ABI3BP: variants seen among roughly 807,000 people sequenced by gnomAD.
The protein encoded by ABI3BP is ABI family member 3 binding protein.
In ABI3BP, 216 loss-of-function variants were observed where a neutral mutation model predicts 268.6. The ratio of observed to expected loss-of-function variants is 0.80; its 90% confidence interval spans 0.72 to 0.90. ABI3BP has a LOEUF of 0.90. ABI3BP is among the 40% of genes least tolerant of loss of function. ABI3BP has a pLI of 0.00. For synonymous variants in ABI3BP, 730 were observed against 730.0 expected (o/e 1.00, Z 0.00); for missense variants, 2,090 against 2,182.4 (o/e 0.96, Z 0.84).
At position 100,778,391 on chromosome 3, in the gene ABI3BP, A is replaced by G. The variant is rs370678808; in HGVS notation, c.4241-15T>C. On this transcript the variant is annotated splice_polypyrimidine_tract_variant and intron_variant, in intron 58 of 67. Coordinates refer to ENST00000471714, the MANE Select transcript of ABI3BP (RefSeq NM_001375547.2). The stretch of plus-strand genomic sequence containing the variant: ...GCGGCGAGTCCCTGGGATTGTGGAT[A>G]AGAGATTGTATTTTAGATAAAGCCA... The G allele has an allele frequency of 1.2e-6, 2 of 1,605,774 alleles. No homozygotes were observed. Among genetic ancestry groups the G allele is most frequent in the African/African-American group, 1.3e-5 (1 of 74,600 alleles).
chr3:100,848,717 G>C, intron 18 of ABI3BP, 84 bp downstream of exon 18: 2 of 1,362,132 alleles, frequency 1.5e-6, no homozygotes, highest in South Asian at 2.4e-5. Context: ...GTGAGCCACT[G>C]CACCTGGCTA....
intron 18 of ABI3BP, 44 bp downstream of exon 18, chr3:100,848,757 T>C: frequency 6.4e-7 from 1 of 1,569,530 alleles, no homozygotes; most frequent in Non-Finnish European, 8.8e-7. Context: ...ATGGACATTG[T>C]CTATCTGGAA....
intron 13 of ABI3BP, 69 bp from the exon 14 acceptor site, chr3:100,862,454 A>T (rs2099008896): frequency 9.2e-7 from 1 of 1,086,936 alleles, no homozygotes; most frequent in East Asian, 2.6e-5. Flanking sequence ...AGACAGAAAT[A>T]GGTTGCTGGT....
At chr3:100,802,225 G>C (rs551529258) in intron 51 of ABI3BP, among the ~76,000 whole-genome samples, 1 of 152,290 alleles carries the variant, frequency 6.6e-6, no homozygotes, top group East Asian at 1.9e-4. Flanking sequence ...CCAAAGGGAA[G>C]AGACACGTAG....
chr3:100,896,423 A>C (rs2047708325), intron 4 of ABI3BP, among the ~76,000 whole-genome samples: 2 of 152,208 alleles, frequency 1.3e-5, no homozygotes, highest in Admixed American at 1.3e-4. Context: ...CAGAAGTGTC[A>C]GTAGGACAAA....
intron 1 of ABI3BP, among the ~76,000 whole-genome samples, chr3:100,927,727 T>A (rs761706642): frequency 1.3e-5 from 2 of 152,110 alleles, no homozygotes; most frequent in Non-Finnish European, 2.9e-5. Flanking sequence ...ACCCTTGTGA[T>A]CCAATCACCT....
At chr3:100,855,359 T>A (rs1158332556) in intron 14 of ABI3BP, among the ~76,000 whole-genome samples, 2 of 152,248 alleles carry the variant, frequency 1.3e-5, no homozygotes, top group Non-Finnish European at 2.9e-5. Flanking sequence ...TTGCATATGA[T>A]CAAGACTTTA....
intron 61 of ABI3BP, among the ~76,000 whole-genome samples, chr3:100,771,927 C>CA (rs2149965383): frequency 6.6e-6 from 1 of 152,110 alleles, no homozygotes; most frequent in African/African-American, 2.4e-5. Context: ...CTAGAAACAA[C>CA]AAAAATGTAG....
At chr3:100,829,960 G>A (rs1404443233) in intron 32 of ABI3BP, among the ~76,000 whole-genome samples, 1 of 150,852 alleles carries the variant, frequency 6.6e-6, no homozygotes, top group East Asian at 2.0e-4. Flanking sequence ...TAAGTATAGG[G>A]TGATTTTATA....
intron 51 of ABI3BP, among the ~76,000 whole-genome samples, chr3:100,800,086 T>G (rs529721846): frequency 6.6e-6 from 1 of 150,866 alleles, no homozygotes; most frequent in African/African-American, 2.4e-5. Flanking sequence ...TAGGTCTTTG[T>G]AGTTCCATAT....
intron 1 of ABI3BP, among the ~76,000 whole-genome samples, chr3:100,943,865 A>T (rs924299457): frequency 5.3e-5 from 8 of 152,042 alleles, no homozygotes; most frequent in Non-Finnish European, 7.4e-5. Flanking sequence ...TGATGATAAA[A>T]TTTTTTCCAA....
At chr3:100,970,832 G>A (rs2083291756) in intron 1 of ABI3BP, among the ~76,000 whole-genome samples, 1 of 152,156 alleles carries the variant, frequency 6.6e-6, no homozygotes, top group African/African-American at 2.4e-5. Context: ...GCATGGGAGG[G>A]CCATGAACTG....
intron 64 of ABI3BP, among the ~76,000 whole-genome samples, 182 bp downstream of exon 64, chr3:100,754,430 G>A (rs573934763): frequency 9.2e-5 from 14 of 152,306 alleles, no homozygotes; most frequent in African/African-American, 3.4e-4. Flanking sequence ...GTGTCTTTAA[G>A]TGAGGAAAAA....
intron 4 of ABI3BP, among the ~76,000 whole-genome samples, chr3:100,897,674 T>TA (rs2048357622): frequency 6.6e-6 from 1 of 152,214 alleles, no homozygotes; most frequent in South Asian, 2.1e-4. Context: ...TCTAGAGTGA[T>TA]AAAATTTTTC....
chr3:100,823,588 T>G, intron 36 of ABI3BP, 74 bp from the exon 37 acceptor site: 1 of 1,130,038 alleles, frequency 8.8e-7, no homozygotes, highest in East Asian at 2.6e-5. Context: ...TGCAAACAAA[T>G]TTTACTGGTA....
chr3:100,890,998 T>C (rs897259256), intron 4 of ABI3BP, among the ~76,000 whole-genome samples: 1 of 151,950 alleles, frequency 6.6e-6, no homozygotes, highest in African/African-American at 2.4e-5. Context: ...TTTTTTTTTT[T>C]TGTAGACCAC....
chr3:100,947,711 C>G (rs1041354636), intron 1 of ABI3BP, among the ~76,000 whole-genome samples: 8 of 151,502 alleles, frequency 5.3e-5, no homozygotes, highest in Non-Finnish European at 1.2e-4. Context: ...GGCCAGGAGA[C>G]AGAATAAGGG....
intron 6 of ABI3BP, among the ~76,000 whole-genome samples, chr3:100,877,481 G>A (rs1353226085): frequency 6.6e-6 from 1 of 152,174 alleles, no homozygotes; most frequent in Non-Finnish European, 1.5e-5. Flanking sequence ...ATATCCCAGA[G>A]GACTCTGCTT....
chr3:100,764,395 G>A (rs1179992586), intron 63 of ABI3BP, among the ~76,000 whole-genome samples: 1 of 152,212 alleles, frequency 6.6e-6, no homozygotes, highest in Non-Finnish European at 1.5e-5. Context: ...TTATTCGTGT[G>A]TGTAGCCATA....
Sources: allele counts gnomAD v4.1 joint callset (sites outside exome capture counted in the v4.1 genomes callset), GRCh38; gene constraint gnomAD v4.1.1; transcripts MANE v1.5; gene names NCBI Gene and HGNC (gene_info 2026-07-23, HGNC 2026-07-21).